The following TEAD1 variants were observed in gnomAD, a reference collection of about 807,000 sequenced individuals.
TEAD1 encodes transcriptional enhancer factor TEF-1.
TEAD1 carries 9 observed loss-of-function variants against 54.9 expected under a neutral mutation model. That is an observed-to-expected ratio of 0.16 (90% CI 0.10 to 0.29). TEAD1 has a LOEUF of 0.29. TEAD1 is among the 10% of genes least tolerant of loss of function. The pLI is 1.00. For synonymous variants in TEAD1, 200 were observed against 187.8 expected, an observed-to-expected ratio of 1.07 and a Z score of -0.53; for missense variants, 387 against 535.9, an observed-to-expected ratio of 0.72 and a Z score of 2.74.
At chr11:12,908,463 C>A (rs1490717118) in intron 10 of TEAD1, among the ~76,000 whole-genome samples, 1 of 152,206 alleles carries the variant, frequency 6.6e-6, no homozygotes, top group Non-Finnish European at 1.5e-5. Context: ...CCTTGATGGC[C>A]TGCCATGCTT....
chr11:12,873,438 C>T (rs921771667), intron 5 of TEAD1, among the ~76,000 whole-genome samples: 20 of 152,072 alleles, frequency 1.3e-4, no homozygotes, highest in African/African-American at 4.1e-4. Context: ...TTAAAGGAAA[C>T]GATGTTGACA....
At chr11:12,748,266 C>A (rs1264581050) in intron 2 of TEAD1, among the ~76,000 whole-genome samples, 1 of 152,182 alleles carries the variant, frequency 6.6e-6, no homozygotes, top group Non-Finnish European at 1.5e-5. Context: ...CTGGTCTAAT[C>A]CCTGCAATTC....
At chr11:12,707,994 TTA>T (rs1344142457) in intron 2 of TEAD1, among the ~76,000 whole-genome samples, 2 of 152,354 alleles carry the variant, frequency 1.3e-5, no homozygotes, top group South Asian at 2.1e-4. Context: ...GCAGTGGTTT[TTA>T]TTTCATAGAA....
At chr11:12,714,467 T>C (rs1336977457) in intron 2 of TEAD1, among the ~76,000 whole-genome samples, 1 of 152,122 alleles carries the variant, frequency 6.6e-6, no homozygotes, top group Non-Finnish European at 1.5e-5. Context: ...CACACCTGGC[T>C]AATTTTTGTA....
chr11:12,721,170 A>G (rs1248617721), intron 2 of TEAD1, among the ~76,000 whole-genome samples: 1 of 152,182 alleles, frequency 6.6e-6, no homozygotes, highest in Non-Finnish European at 1.5e-5. Flanking sequence ...CATGCAGTGT[A>G]GTTGTGAGGT....
intron 3 of TEAD1, among the ~76,000 whole-genome samples, chr11:12,770,052 T>C (rs781553146): frequency 1.3e-5 from 2 of 152,252 alleles, no homozygotes; most frequent in Non-Finnish European, 2.9e-5. Flanking sequence ...CTATTTTTTA[T>C]GTTGGCAAAT....
intron 3 of TEAD1, among the ~76,000 whole-genome samples, chr11:12,821,860 T>C (rs1946552195): frequency 2.6e-5 from 4 of 151,818 alleles, no homozygotes; most frequent in African/African-American, 7.3e-5. Context: ...TCTCTCACTT[T>C]ACCTACCTCC....
chr11:12,712,399 A>G (rs1449719714), intron 2 of TEAD1, among the ~76,000 whole-genome samples: 4 of 152,158 alleles, frequency 2.6e-5, no homozygotes, highest in African/African-American at 9.7e-5. Context: ...TTCACCTGCT[A>G]TCTGTGTGCT....
At chr11:12,916,682 GCTGTCAGT>G (rs1948719084) in intron 10 of TEAD1, among the ~76,000 whole-genome samples, 1 of 152,224 alleles carries the variant, frequency 6.6e-6, no homozygotes, top group Admixed American at 6.5e-5. Context: ...TGCTGCCTGT[GCTGTCAGT>G]CCAGTGTCTG....
chr11:12,922,192 C>CTTTTTTTTTTTT (rs756723520), intron 10 of TEAD1, among the ~76,000 whole-genome samples: 1 of 94,518 alleles, frequency 1.1e-5, no homozygotes, highest in African/African-American at 4.3e-5. Context: ...ACATGGTTCT[C>CTTTTTTTTTTTT]TTTTTTTTTT....
rs528793040 is a variant in TEAD1, at chr11:12,892,664, TAAAA to T, written c.700-9273_700-9270del. Among the ~76,000 whole-genome samples the T allele has an allele frequency of 1.2e-3, 177 of 151,964 alleles. 1 individual carries two copies. The highest frequency in any genetic ancestry group is 2.4e-3 in the Non-Finnish European group (161 of 67,934). On this transcript the variant is annotated intron_variant, in intron 9 of 12. Transcript: ENST00000527636. ...TCTCAAAAAAATAAATAAACAAAAA[TAAAA>T]AAGAAGCAGCAGCAGTAAGGTTTTA...
intron 2 of TEAD1, among the ~76,000 whole-genome samples, chr11:12,715,332 C>T (rs1022624279): frequency 6.6e-6 from 1 of 151,930 alleles, no homozygotes; most frequent in African/African-American, 2.4e-5. Context: ...GACAGGAGAT[C>T]CTTTCTAGTT....
intron 2 of TEAD1, among the ~76,000 whole-genome samples, chr11:12,746,443 A>C (rs1229099206): frequency 6.6e-6 from 1 of 152,234 alleles, no homozygotes; most frequent in African/African-American, 2.4e-5. Context: ...AAACTAAAGA[A>C]AACTTCATCC....
chr11:12,694,432 T>C (rs529584673), intron 2 of TEAD1, among the ~76,000 whole-genome samples: 74 of 152,148 alleles, frequency 4.9e-4, no homozygotes, highest in African/African-American at 1.8e-3. Flanking sequence ...TTGCAGTGTT[T>C]CACGCCAGTC....
chr11:12,789,854 G>T (rs1051575911), intron 3 of TEAD1, among the ~76,000 whole-genome samples: 3 of 152,220 alleles, frequency 2.0e-5, no homozygotes, highest in African/African-American at 7.2e-5. Flanking sequence ...CACAGACACT[G>T]CCCTACAGCC....
Position 12,940,595 on chromosome 11 carries a change from G to A in TEAD1, c.*3373G>A, listed in dbSNP as rs1292033427. 6.6e-6 allele frequency: 1 copy of A among 152,170 alleles called. No individual in the cohort carries two copies. The highest frequency in any genetic ancestry group is 1.5e-5 in the Non-Finnish European group (1 of 68,058). The allele number at this position is 152,170 out of a possible 1,614,324, so 9.4% of individuals were successfully genotyped here. On this transcript the variant is annotated 3_prime_UTR_variant, in exon 13 of 13. Coordinates refer to ENST00000527636, the MANE Select transcript of TEAD1 (RefSeq NM_021961.6). ...CACAACAATTTCTCTCTCGCTACAA[G>A]TATTCTTTCACTCAGCACTGGGGAA...
chr11:12,943,989 T>TTTA lies in TEAD1; in HGVS notation c.*6768_*6770dup. 6.5e-6 allele frequency: 1 copy of TTTA among 152,724 alleles called. No homozygotes were observed. The allele number at this position is 152,724 out of a possible 1,614,324, so 9.5% of individuals were successfully genotyped here. On this transcript the variant is annotated 3_prime_UTR_variant, in exon 13 of 13. Coordinates refer to ENST00000527636, the MANE Select transcript of TEAD1 (RefSeq NM_021961.6). The stretch of plus-strand genomic sequence containing the variant: ...ATTTAAAAAAGAAACCTGAATAGCC[T>TTTA]TTAATTCTTTAATAATACACTTAAA...
chr11:12,734,400 G>T (rs1027727506), intron 2 of TEAD1, among the ~76,000 whole-genome samples: 1 of 152,062 alleles, frequency 6.6e-6, no homozygotes, highest in Non-Finnish European at 1.5e-5. Flanking sequence ...GTGAGCTAAG[G>T]TTATTTTATA....
chr11:12,847,862 G>A (rs1442066875), intron 3 of TEAD1, among the ~76,000 whole-genome samples: 1 of 152,132 alleles, frequency 6.6e-6, no homozygotes, highest in Non-Finnish European at 1.5e-5. Context: ...CAGCTGTCCT[G>A]AATCTAAGCT....
Sources: gnomAD v4.1 joint callset for allele counts (sites outside exome capture counted in the v4.1 genomes callset) on GRCh38, gnomAD v4.1.1 for gene constraint, MANE v1.5 for transcripts, NCBI Gene and HGNC (gene_info 2026-07-23, HGNC 2026-07-21) for gene names.